The following COPA variants were observed in gnomAD, a reference collection of about 807,000 sequenced individuals.
COPA encodes the protein coat protein complex I subunit alpha, also known as coatomer subunit alpha.
Under a neutral mutation model 158.7 loss-of-function variants are expected in COPA, and 10 were observed. The ratio of observed to expected loss-of-function variants is 0.06; its 90% confidence interval spans 0.04 to 0.11. COPA has a LOEUF of 0.11. Among genes scored for constraint, COPA ranks in the 10% least tolerant of loss-of-function variants. COPA has a pLI of 1.00. For synonymous variants in COPA, 462 were observed against 542.8 expected (o/e 0.85, Z 2.07); for missense variants, 1,065 against 1,536.7 (o/e 0.69, Z 5.13).
Position 160,296,062 on chromosome 1 carries a change from G to C in COPA, c.2351C>G (p.Thr784Arg), listed in dbSNP as rs2101825978. The part of the protein sequence containing the change: ...LKETFDPEKE[T>R]IPDIDPNAKL... ...ACAATTATGTAAATAAAGACTCACT[G>C]TCTCCTTCTCTGGGTCAAATGTCTC... Residue 784 changes from threonine to arginine, a missense_variant and splice_region_variant, in exon 22 of 33, where the codon ACA becomes AGA. By Grantham distance (71) the Thr-to-Arg change is moderately conservative (BLOSUM62 -1). Transcript: ENST00000241704. 1 of 1,613,494 alleles carries C rather than the reference G, an allele frequency of 6.2e-7. No individual in the cohort carries two copies.
intron 31 of COPA, 103 bp downstream of exon 31, chr1:160,291,232 G>A (rs888218559): frequency 2.3e-6 from 3 of 1,295,446 alleles, no homozygotes; most frequent in African/African-American, 3.0e-5. Flanking sequence ...TTTGTTGAAT[G>A]TTGTTATTTA....
At position 160,290,472 on chromosome 1, in the gene COPA, T is replaced by G; in HGVS notation, c.3615+20A>C. ...CCTTCGCTCAATATCCTAGATATAT[T>G]TATTGAGGACAGTACTTACTGTGGT... On this transcript the variant is annotated intron_variant, in intron 32 of 32. Coordinates refer to ENST00000241704, the MANE Select transcript of COPA (RefSeq NM_004371.4). The G allele has an allele frequency of 6.2e-7, 1 of 1,607,694 alleles. No individual in the cohort carries two copies. The highest frequency in any genetic ancestry group is 8.5e-7 in the Non-Finnish European group (1 of 1,175,896).
At chr1:160,325,393 G>A (rs1659458165) in intron 7 of COPA, 150 bp downstream of exon 7, 15 of 656,980 alleles carry the variant, frequency 2.3e-5, no homozygotes, top group South Asian at 2.2e-4. Flanking sequence ...GTTGGTTCAC[G>A]CACAATTTGA....
chr1:160,293,603 T>G, intron 25 of COPA, 140 bp from the exon 26 acceptor site: 1 of 658,022 alleles, frequency 1.5e-6, no homozygotes, highest in Non-Finnish European at 2.5e-6. Context: ...CAAGCAATCC[T>G]CCAACCTCAG....
At chr1:160,314,579 G>A (rs555426804) in intron 8 of COPA, among the ~76,000 whole-genome samples, 3 of 152,276 alleles carry the variant, frequency 2.0e-5, no homozygotes, top group African/African-American at 4.8e-5. Flanking sequence ...GCAGTGAGCC[G>A]TGAATGCACC....
intron 3 of COPA, among the ~76,000 whole-genome samples, chr1:160,335,954 T>C (rs2101875617): frequency 6.6e-6 from 1 of 150,648 alleles, no homozygotes; most frequent in Non-Finnish European, 1.5e-5. Context: ...TAGCAGGAGA[T>C]ATTTATCCAG....
chr1:160,331,753 GC>G (rs1647530996), intron 6 of COPA, among the ~76,000 whole-genome samples: 1 of 151,788 alleles, frequency 6.6e-6, no homozygotes, highest in African/African-American at 2.4e-5. Context: ...TTTGAGACCA[GC>G]CTGGCCAATA....
chr1:160,320,086 C>T (rs1314123795), intron 8 of COPA, among the ~76,000 whole-genome samples: 1 of 151,582 alleles, frequency 6.6e-6, no homozygotes, highest in East Asian at 1.9e-4. Context: ...ATCAATGAAA[C>T]GAAACACTTG....
In COPA at chr1:160,312,816, C is replaced by T. The variant is rs189708655; in HGVS notation, c.925+269G>A. Reference sequence around the variant, plus strand: ...CCTCATACCCTTTCACTTTTCTGAACCACCCAATATAAAGCAGCAGTCCCC... The same window carrying T: ...CCTCATACCCTTTCACTTTTCTGAATCACCCAATATAAAGCAGCAGTCCCC... On this transcript the variant is annotated intron_variant, in intron 10 of 32. Transcript: ENST00000241704. 2.0e-4 allele frequency among the ~76,000 whole-genome samples: 31 copies of T among 152,314 alleles called. 1 individual carries two copies. The highest frequency in any genetic ancestry group is 6.7e-4 in the African/African-American group (28 of 41,564).
intron 11 of COPA, among the ~76,000 whole-genome samples, 190 bp downstream of exon 11, chr1:160,311,678 C>T (rs1224129662): frequency 3.3e-5 from 5 of 150,424 alleles, no homozygotes; most frequent in African/African-American, 1.2e-4. Context: ...ACCCGGGAGG[C>T]GGAGCTTGCA....
At position 160,297,358 on chromosome 1, in the gene COPA, T is replaced by C; in HGVS notation, c.2248A>G (p.Lys750Glu). The change falls in exon 21 of 33, where the codon AAG (lysine) becomes GAG (glutamate). Residue 750 changes from lysine (K) to glutamate (E), a missense_variant. By Grantham distance (56) the Lys-to-Glu change is moderately conservative (BLOSUM62 1). Transcript: ENST00000241704. ...GDVSERVRIL[K>E]NCGQKSLAYL... ...GGATACTTACTCTGTCCACAGTTCTTCAGGATCCGCACACGCTCTGACACA... is the reference window on the plus strand; with the variant it reads ...GGATACTTACTCTGTCCACAGTTCTCCAGGATCCGCACACGCTCTGACACA... The C allele has an allele frequency of 1.9e-6, 3 of 1,614,154 alleles. No individual in the cohort carries two copies. The highest frequency in any genetic ancestry group is 1.7e-6 in the Non-Finnish European group (2 of 1,180,008).
chr1:160,290,233 A>G lies in COPA; in HGVS notation c.3616-17T>C. 1 of 1,613,984 alleles carries G rather than the reference A, an allele frequency of 6.2e-7. No individual in the cohort carries two copies. Among genetic ancestry groups the G allele is most frequent in the Middle Eastern group, 1.6e-4 (1 of 6,062 alleles). ...CTCTGTCACCTGTGGAAAAACAAAC[A>G]AAGGAACAAGTTAGAGATTTGTAAG... On this transcript the variant is annotated splice_polypyrimidine_tract_variant and intron_variant, in intron 32 of 32. Coordinates refer to ENST00000241704, the MANE Select transcript of COPA (RefSeq NM_004371.4).
Position 160,332,576 on chromosome 1 carries a change from A to G in COPA, c.387-19T>C, listed in dbSNP as rs756312977. The G allele has an allele frequency of 1.8e-5, 28 of 1,519,608 alleles. No homozygotes were observed. The highest frequency in any genetic ancestry group is 7.0e-5 in the African/African-American group (5 of 71,716). 94.1% of individuals were successfully genotyped at this position (1,519,608 alleles called of 1,614,324 possible). Reference sequence around the variant, plus strand: ...TAACACACTGCAAGAAAAAAAAAAGACAATACCAAATTAGAGGTGGAAGTC... The same window carrying G: ...TAACACACTGCAAGAAAAAAAAAAGGCAATACCAAATTAGAGGTGGAAGTC... On this transcript the variant is annotated intron_variant, in intron 5 of 32. Coordinates refer to ENST00000241704, the MANE Select transcript of COPA (RefSeq NM_004371.4).
Position 160,310,201 on chromosome 1 carries a change from C to G in COPA, c.1134G>C (p.Leu378=), listed in dbSNP as rs1281961429. 2 of 1,597,630 alleles carry G rather than the reference C, an allele frequency of 1.3e-6. No homozygotes were observed. The highest frequency in any genetic ancestry group is 1.7e-6 in the Non-Finnish European group (2 of 1,171,820). Residue 378 remains leucine, a synonymous_variant, in exon 12 of 33, where the codon CTG becomes CTC. Transcript: ENST00000241704. ...MSYNPAENAV[L]LCTRASNLEN... Reference sequence around the variant, plus strand: ...TCCACAGGTTACTTACTGTACAAAGCAGGACTGCATTTTCTGCTGGATTGT... The same window carrying G: ...TCCACAGGTTACTTACTGTACAAAGGAGGACTGCATTTTCTGCTGGATTGT...
chr1:160,296,462 C>T (rs572528324), intron 21 of COPA, among the ~76,000 whole-genome samples: 9 of 152,198 alleles, frequency 5.9e-5, no homozygotes, highest in African/African-American at 1.7e-4. Flanking sequence ...GAGGTCAACA[C>T]GAAAAGAAAG....
At chr1:160,327,089 T>C (rs1647267875) in intron 6 of COPA, among the ~76,000 whole-genome samples, 1 of 152,210 alleles carries the variant, frequency 6.6e-6, no homozygotes, top group Non-Finnish European at 1.5e-5. Context: ...GGTAAAATTA[T>C]AACAGTTTGT....
Position 160,291,677 on chromosome 1 carries a change from T to C in COPA, c.3258+142A>G, listed in dbSNP as rs185967263. On this transcript the variant is annotated intron_variant, in intron 30 of 32. Transcript: ENST00000241704. ...GAGATGAGGAAGTAGGATGAAGAAA[T>C]GTATCCTCCCCTCATAGAAATGAAG... 1.2e-4 allele frequency: 135 copies of C among 1,092,430 alleles called. 2 individuals carry two copies. The Middle Eastern group carries it at 3.1e-3, about 25-fold the overall frequency. 67.7% of individuals were successfully genotyped at this position (1,092,430 alleles called of 1,614,324 possible).
At chr1:160,303,949 T>C (rs141184272) in intron 17 of COPA, among the ~76,000 whole-genome samples, 40 of 152,170 alleles carry the variant, frequency 2.6e-4, no homozygotes, top group African/African-American at 8.9e-4. Flanking sequence ...GGAGATACCA[T>C]TACGCATCCA....
rs1336595264 is a variant in COPA at position 160,323,465 on chromosome 1, T to C, written c.672A>G (p.Ala224=). 4 of 1,610,000 alleles carry C rather than the reference T, an allele frequency of 2.5e-6. No homozygotes were observed. In the South Asian group the frequency reaches 3.3e-5, roughly 13 times the overall value. Reference sequence around the variant, plus strand: ...GCCAGATCTTCACTTGACGATCATCTGCCCCAGATACAATAAGGGGCATAG... The same window carrying C: ...GCCAGATCTTCACTTGACGATCATCCGCCCCAGATACAATAAGGGGCATAG... ...HPTMPLIVSG[A]DDRQVKIWRM... Residue 224 remains alanine, a synonymous_variant, in exon 8 of 33, where the codon GCA becomes GCG. Coordinates refer to ENST00000241704, the MANE Select transcript of COPA (RefSeq NM_004371.4).
Sources: allele counts gnomAD v4.1 joint callset (sites outside exome capture counted in the v4.1 genomes callset), GRCh38; gene constraint gnomAD v4.1.1; transcripts MANE v1.5; gene names NCBI Gene and HGNC (gene_info 2026-07-23, HGNC 2026-07-21).